The following ABCC4 variants were observed in gnomAD, a reference collection of about 807,000 sequenced individuals.
The protein encoded by ABCC4 is ATP-binding cassette sub-family C member 4.
ABCC4 carries 102 observed loss-of-function variants against 168.5 expected under a neutral mutation model. The observed-to-expected ratio is 0.61, with a 90% CI of 0.52 to 0.71. ABCC4 has a LOEUF of 0.71. Ranked by LOEUF, ABCC4 falls within the 30% of genes least tolerant of loss-of-function variation. The pLI is 0.00. For synonymous variants in ABCC4, 617 were observed against 590.7 expected, an observed-to-expected ratio of 1.04 and a Z score of -0.65; for missense variants, 1,402 against 1,605.8, an observed-to-expected ratio of 0.87 and a Z score of 2.17.
intron 27 of ABCC4, 125 bp from the exon 28 acceptor site, chr13:95,044,563 T>C (rs2032498752): frequency 1.4e-6 from 1 of 715,058 alleles, no homozygotes; most frequent in Admixed American, 3.5e-5. Context: ...GACACACACA[T>C]GAGGCTGAAT....
At chr13:95,182,727 C>G (rs1375009308) in intron 11 of ABCC4, among the ~76,000 whole-genome samples, 1 of 152,124 alleles carries the variant, frequency 6.6e-6, no homozygotes, top group Non-Finnish European at 1.5e-5. Flanking sequence ...AAGGTTCAGA[C>G]GATTAGCTAA....
chr13:95,056,957 CATTT>C (rs1315857275), intron 26 of ABCC4, among the ~76,000 whole-genome samples: 1 of 128,030 alleles, frequency 7.8e-6, no homozygotes, highest in Non-Finnish European at 1.8e-5. Flanking sequence ...TAGTTGAAAA[CATTT>C]ATTTGTGCCA....
chr13:95,093,019 A>G (rs914702239), intron 20 of ABCC4, among the ~76,000 whole-genome samples: 2 of 147,404 alleles, frequency 1.4e-5, no homozygotes, highest in African/African-American at 2.5e-5. Context: ...GAACAGACCA[A>G]TAACAAGCAG....
intron 25 of ABCC4, among the ~76,000 whole-genome samples, chr13:95,070,970 G>C (rs540860296): frequency 6.6e-6 from 1 of 152,150 alleles, no homozygotes; most frequent in Non-Finnish European, 1.5e-5. Flanking sequence ...GGAGGGACCC[G>C]GTGGGAGGTA....
chr13:95,207,969 C>A (rs1432607058), intron 6 of ABCC4, 44 bp from the exon 7 acceptor site: 7 of 1,589,398 alleles, frequency 4.4e-6, no homozygotes, highest in African/African-American at 1.4e-5. Context: ...GCGATCACAG[C>A]CTGCCCTTAT....
intron 30 of ABCC4, 112 bp downstream of exon 30, chr13:95,034,493 G>A: frequency 7.1e-7 from 1 of 1,398,956 alleles, no homozygotes; most frequent in Non-Finnish European, 9.4e-7. Flanking sequence ...TGTCTCTGCA[G>A]GCTTATAATT....
intron 1 of ABCC4, among the ~76,000 whole-genome samples, chr13:95,271,293 T>C (rs1316883094): frequency 6.6e-6 from 1 of 152,164 alleles, no homozygotes; most frequent in African/African-American, 2.4e-5. Flanking sequence ...TGATAGGGGC[T>C]GGCTGGGCTC....
At position 95,090,363 on chromosome 13, in the gene ABCC4, T is replaced by C. The variant is rs988377555; in HGVS notation, c.2536-7073A>G. ...AAGCTAAGAACCGTCACAGGGTCCA[T>C]TGCACCCCCCGACCACCTCCACCGG... is the stretch of plus-strand genomic sequence containing the variant. On this transcript the variant is annotated intron_variant, in intron 20 of 30. Coordinates refer to ENST00000645237, the MANE Select transcript of ABCC4 (RefSeq NM_005845.5). 5.9e-5 allele frequency among the ~76,000 whole-genome samples: 9 copies of C among 152,192 alleles called. No individual in the cohort carries two copies. The East Asian group carries it at 7.7e-4, about 13-fold the overall frequency.
intron 20 of ABCC4, among the ~76,000 whole-genome samples, chr13:95,093,724 AT>A (rs1344605648): frequency 1.3e-5 from 2 of 152,188 alleles, no homozygotes; most frequent in Non-Finnish European, 2.9e-5. Context: ...AATAAAGGGC[AT>A]CCAAATTGGT....
At chr13:95,064,500 C>CGT (rs2033446990) in intron 25 of ABCC4, among the ~76,000 whole-genome samples, 1 of 82,992 alleles carries the variant, frequency 1.2e-5, no homozygotes, top group African/African-American at 4.4e-5. Context: ...CACACACACA[C>CGT]GTGTATGTGT....
rs2037088546 is a variant in ABCC4, at chr13:95,161,224, T to C, written c.2420A>G (p.Lys807Arg). The change falls in exon 19 of 31, where the codon AAA (lysine) becomes AGA (arginine). Residue 807 changes from lysine to arginine, a missense_variant. Transcript: ENST00000645237. ...TCTATCAAAGAATAATACCGGAGCT[T>C]TCAGAATTGACTCAAACATTTTGTT... is the stretch of plus-strand genomic sequence containing the variant. ...LHNKMFESIL[K>R]APVLFFDRNP... 6.2e-7 allele frequency: 1 copy of C among 1,610,102 alleles called. No homozygotes were observed. Among genetic ancestry groups the C allele is most frequent in the Non-Finnish European group, 8.5e-7 (1 of 1,179,286 alleles).
At chr13:95,097,873 C>G (rs563132223) in intron 20 of ABCC4, among the ~76,000 whole-genome samples, 1 of 151,748 alleles carries the variant, frequency 6.6e-6, no homozygotes, top group African/African-American at 2.4e-5. Context: ...CAGTGGCTCA[C>G]GCCTATAATC....
At chr13:95,129,671 T>A (rs935126922) in intron 19 of ABCC4, among the ~76,000 whole-genome samples, 1 of 152,152 alleles carries the variant, frequency 6.6e-6, no homozygotes, top group South Asian at 2.1e-4. Context: ...AAATGTTTCA[T>A]GAAAAAAAAT....
chr13:95,205,618 C>T (rs1416904130), intron 8 of ABCC4, among the ~76,000 whole-genome samples: 5 of 152,212 alleles, frequency 3.3e-5, no homozygotes, highest in Admixed American at 1.3e-4. Flanking sequence ...TGAGTGACAG[C>T]GACTTAGGAA....
chr13:95,116,118 A>G (rs1369043123), intron 19 of ABCC4, 117 bp from the exon 20 acceptor site: 1 of 650,632 alleles, frequency 1.5e-6, no homozygotes, highest in Non-Finnish European at 2.4e-6. Context: ...TATATTATTC[A>G]TATGAAATAA....
chr13:95,161,651 GATCTTCTCCATATTCCAA>G (rs2037104336), intron 18 of ABCC4: 1 of 171,966 alleles, frequency 5.8e-6, no homozygotes, highest in Non-Finnish European at 1.2e-5. Flanking sequence ...AAGTGTAGTT[GATCTTCTCCATATTCCAA>G]ATCTTATTAC....
At chr13:95,230,825 T>C (rs2039598671) in intron 4 of ABCC4, among the ~76,000 whole-genome samples, 1 of 152,156 alleles carries the variant, frequency 6.6e-6, no homozygotes, top group Admixed American at 6.6e-5. Flanking sequence ...GAGATAATTG[T>C]ACATTCGTGT....
intron 30 of ABCC4, among the ~76,000 whole-genome samples, chr13:95,027,348 C>A (rs1452091472): frequency 1.3e-5 from 2 of 152,044 alleles, no homozygotes; most frequent in African/African-American, 4.8e-5. Flanking sequence ...ATATCTGTAT[C>A]TATACTGAAA....
chr13:95,082,619 G>C (rs1359642932), intron 21 of ABCC4, among the ~76,000 whole-genome samples: 4 of 152,124 alleles, frequency 2.6e-5, no homozygotes, highest in African/African-American at 9.7e-5. Flanking sequence ...CAACTTCCTA[G>C]CCATTTTGTG....
Sources: gnomAD v4.1 joint callset for allele counts (sites outside exome capture counted in the v4.1 genomes callset) on GRCh38, gnomAD v4.1.1 for gene constraint, MANE v1.5 for transcripts, NCBI Gene and HGNC (gene_info 2026-07-23, HGNC 2026-07-21) for gene names.